Variants in PAMR1 observed in about 807,000 individuals in gnomAD.
PAMR1 encodes peptidase domain containing associated with muscle regeneration 1.
Under a neutral mutation model 81.8 loss-of-function variants are expected in PAMR1, and 88 were observed. The ratio of observed to expected loss-of-function variants is 1.08; its 90% CI spans 0.91 to 1.28. The LOEUF is 1.28. Among genes scored for constraint, PAMR1 ranks in the 50% most tolerant of loss-of-function variants. The pLI is 0.00. For synonymous variants in PAMR1, 336 were observed against 345.3 expected (o/e 0.97, Z 0.30); for missense variants, 935 against 919.7 (o/e 1.02, Z -0.21).
At chr11:35,529,876 G>T (rs1851438656), upstream of PAMR1, 1 of 152,158 alleles carries the variant, frequency 6.6e-6, no homozygotes, top group South Asian at 2.1e-4. Flanking sequence ...GACAGAGTCA[G>T]GCCACCCATT....
intron 6 of PAMR1, among the ~76,000 whole-genome samples, chr11:35,451,346 C>T (rs1449906871): frequency 6.6e-6 from 1 of 152,192 alleles, no homozygotes; most frequent in Non-Finnish European, 1.5e-5. Context: ...AAGAAGACTT[C>T]AAGAGAAACT....
intron 6 of PAMR1, among the ~76,000 whole-genome samples, chr11:35,456,119 G>A (rs1369000532): frequency 6.6e-6 from 1 of 152,138 alleles, no homozygotes; most frequent in Non-Finnish European, 1.5e-5. Flanking sequence ...AGCAAGAGTA[G>A]GGAGAATAAA....
intron 6 of PAMR1, among the ~76,000 whole-genome samples, chr11:35,460,312 CT>C (rs1054098077): frequency 0.015 from 2,055 of 141,024 alleles, 21 homozygotes; most frequent in African/African-American, 0.033. Flanking sequence ...CCTCCTCTTT[CT>C]TTTTTTTTTT....
rs370534974 is a variant in PAMR1, at chr11:35,432,808, G to A, written c.1711C>T (p.Arg571Cys). 3.1e-5 allele frequency: 50 copies of A among 1,607,768 alleles called. No homozygotes were observed. The highest frequency in any genetic ancestry group is 2.1e-4 in the African/African-American group (16 of 75,050). ...IAILKLLDKA[R>C]ISTRVQPICL... ...ATGGGCTGGACTCGGGTGCTGATAC[G>A]GGCCTTGTCTAGGAGCTTCAGGATG... Residue 571 changes from arginine (R) to cysteine (C), a missense_variant, in exon 11 of 11, where the codon CGT (arginine) becomes TGT (cysteine). Physicochemically the swap from Arg to Cys is radical, Grantham distance 180 (BLOSUM62 -3). Transcript: ENST00000619888.
chr11:35,515,985 T>C (rs2135422737), intron 1 of PAMR1, among the ~76,000 whole-genome samples: 1 of 152,326 alleles, frequency 6.6e-6, no homozygotes, highest in Non-Finnish European at 1.5e-5. Context: ...CTTGTGAAAC[T>C]TGTGTTAGTG....
upstream of PAMR1, among the ~76,000 whole-genome samples, chr11:35,529,486 G>C (rs1184718277): frequency 5.3e-5 from 8 of 152,266 alleles, no homozygotes; most frequent in African/African-American, 1.9e-4. Context: ...ACTTGCTCTG[G>C]ACCATACTGA....
intron 3 of PAMR1, among the ~76,000 whole-genome samples, chr11:35,478,230 A>G (rs750713440): frequency 2.6e-5 from 4 of 152,026 alleles, no homozygotes; most frequent in Non-Finnish European, 5.9e-5. Context: ...TGGCACATCC[A>G]TTTGGGCTTT....
chr11:35,464,868 C>G (rs967011055), intron 6 of PAMR1, among the ~76,000 whole-genome samples: 1 of 152,066 alleles, frequency 6.6e-6, no homozygotes, highest in Non-Finnish European at 1.5e-5. Context: ...CAGACATACA[C>G]GTACATTAGG....
At chr11:35,518,156 C>A (rs35348661) in intron 1 of PAMR1, among the ~76,000 whole-genome samples, 10,607 of 151,900 alleles carry the variant, frequency 0.07, 456 homozygotes, top group South Asian at 0.12. Context: ...GCAGTTAACC[C>A]CCTGGGAGGC....
intron 6 of PAMR1, among the ~76,000 whole-genome samples, chr11:35,450,007 A>T (rs928204961): frequency 6.6e-6 from 1 of 151,430 alleles, no homozygotes; most frequent in Non-Finnish European, 1.5e-5. Flanking sequence ...TCTCAGTGGG[A>T]GCCACAGGCT....
At position 35,448,542 on chromosome 11, in the gene PAMR1, T is replaced by G. The variant is rs565007590; in HGVS notation, c.821-6849A>C. Among the ~76,000 whole-genome samples the G allele has an allele frequency of 1.3e-5, 2 of 152,222 alleles. 1 individual carries two copies. Among genetic ancestry groups the G allele is most frequent in the African/African-American group, 4.8e-5 (2 of 41,458 alleles). ...TTATTCTGGTTAACAGCTCCTGTAG[T>G]GTTTTATCATGATTCTTAGCTTCTT... On this transcript the variant is annotated intron_variant, in intron 6 of 10. Transcript: ENST00000619888.
Position 35,481,508 on chromosome 11 carries a change from T to TTTTGTTTGTTTG in PAMR1, c.380-6776_380-6765dup, listed in dbSNP as rs58551047. On this transcript the variant is annotated intron_variant, in intron 3 of 10. Transcript: ENST00000619888. ...TGTTGGCTGCATAAATGTCTTCTTG[T>TTTTGTTTGTTTG]TTTGTTTGTTTGTTTGTTTGTTTGT... Among the ~76,000 whole-genome samples, 906 of 151,050 alleles carry TTTTGTTTGTTTG rather than the reference T, an allele frequency of 6.0e-3. 5 individuals carry two copies. The highest frequency in any genetic ancestry group is 0.02 in the African/African-American group (835 of 41,228).
At chr11:35,463,157 G>T (rs1856691983) in intron 6 of PAMR1, among the ~76,000 whole-genome samples, 1 of 152,180 alleles carries the variant, frequency 6.6e-6, no homozygotes, top group African/African-American at 2.4e-5. Context: ...TGTTTATTCT[G>T]ATGAGAAGCG....
chr11:35,440,561 G>A (rs1433363239), intron 7 of PAMR1, among the ~76,000 whole-genome samples: 2 of 152,104 alleles, frequency 1.3e-5, no homozygotes, highest in Non-Finnish European at 2.9e-5. Flanking sequence ...CTAGGACAAG[G>A]ACATGTTTTC....
At chr11:35,487,317 C>T (rs951868044) in intron 3 of PAMR1, among the ~76,000 whole-genome samples, 13 of 152,208 alleles carry the variant, frequency 8.5e-5, no homozygotes, top group Admixed American at 5.2e-4. Context: ...CCTATGTGTT[C>T]CATTACTTCA....
intron 6 of PAMR1, among the ~76,000 whole-genome samples, chr11:35,458,435 T>G (rs1856580336): frequency 1.3e-5 from 2 of 152,214 alleles, no homozygotes; most frequent in South Asian, 4.1e-4. Flanking sequence ...AAAACATGTA[T>G]TTCTTTTTTT....
intron 1 of PAMR1, among the ~76,000 whole-genome samples, chr11:35,503,546 C>T (rs546370406): frequency 4.6e-5 from 7 of 152,084 alleles, no homozygotes; most frequent in African/African-American, 1.7e-4. Flanking sequence ...TCTTTAATTT[C>T]TTTCATCAGT....
intron 1 of PAMR1, among the ~76,000 whole-genome samples, chr11:35,507,087 C>T (rs1258337739): frequency 9.3e-6 from 1 of 107,910 alleles, no homozygotes; most frequent in Non-Finnish European, 1.7e-5. Context: ...GCTCTTGTTG[C>T]CCAGGCTGGA....
intron 1 of PAMR1, among the ~76,000 whole-genome samples, chr11:35,508,515 C>CTTTT (rs1851013668): frequency 4.6e-4 from 35 of 76,150 alleles, no homozygotes; most frequent in African/African-American, 2.1e-3. Context: ...CAGGAACCTC[C>CTTTT]ATTTTTTTTT....
Sources: allele counts gnomAD v4.1 joint callset (sites outside exome capture counted in the v4.1 genomes callset), GRCh38; gene constraint gnomAD v4.1.1; transcripts MANE v1.5; gene names NCBI Gene and HGNC (gene_info 2026-07-23, HGNC 2026-07-21).